The following ROBO1 variants were observed in gnomAD, a reference collection of about 807,000 sequenced individuals.
The protein encoded by ROBO1 is roundabout homolog 1.
ROBO1 carries 149 observed loss-of-function variants against 195.9 expected under a neutral mutation model. That is an observed-to-expected ratio of 0.76 (90% CI 0.67 to 0.87). ROBO1 has a LOEUF of 0.87. ROBO1 is among the 40% of genes least tolerant of loss of function. ROBO1 has a pLI of 0.00. For missense variants in ROBO1, 1,933 were observed against 2,068.3 expected (o/e 0.93, Z 1.27); for synonymous variants, 816 against 733.2 (o/e 1.11, Z -1.82).
chr3:78,768,403 A>T (rs1443686190), intron 4 of ROBO1, among the ~76,000 whole-genome samples: 2 of 151,960 alleles, frequency 1.3e-5, no homozygotes, highest in Non-Finnish European at 2.9e-5. Flanking sequence ...TATAAACTTT[A>T]AAAAAATATA....
At chr3:78,646,051 A>T in intron 21 of ROBO1, 97 bp downstream of exon 21, 1 of 1,091,042 alleles carries the variant, frequency 9.2e-7, no homozygotes, top group South Asian at 1.3e-5. Context: ...TCCACCTTTA[A>T]GTTAGACTTT....
chr3:79,240,351 A>T (rs547447653), intron 2 of ROBO1, among the ~76,000 whole-genome samples: 437 of 152,290 alleles, frequency 2.9e-3, no homozygotes, highest in Non-Finnish European at 4.8e-3. Flanking sequence ...TGTGGCACAA[A>T]TTTTTGAAGA....
intron 2 of ROBO1, among the ~76,000 whole-genome samples, chr3:79,359,648 T>C (rs917610946): frequency 1.3e-5 from 2 of 152,034 alleles, no homozygotes; most frequent in African/African-American, 2.4e-5. Context: ...CAGTAAACCA[T>C]GAAACCAATT....
chr3:79,621,207 G>T (rs189547489), intron 1 of ROBO1, among the ~76,000 whole-genome samples: 1 of 152,198 alleles, frequency 6.6e-6, no homozygotes, highest in East Asian at 1.9e-4. Context: ...CTTCAGTCAA[G>T]CCCTTTCTCT....
chr3:79,685,824 C>T (rs1034116556), intron 1 of ROBO1, among the ~76,000 whole-genome samples: 7 of 152,132 alleles, frequency 4.6e-5, no homozygotes, highest in Non-Finnish European at 4.4e-5. Context: ...ACTTCTGAAA[C>T]TATTCCAATC....
At chr3:79,719,360 T>A (rs1702610044) in intron 1 of ROBO1, among the ~76,000 whole-genome samples, 1 of 152,084 alleles carries the variant, frequency 6.6e-6, no homozygotes, top group Non-Finnish European at 1.5e-5. Context: ...TATAATAGAC[T>A]AAAATTATTA....
At chr3:78,623,831 C>A (rs1391241112) in intron 26 of ROBO1, among the ~76,000 whole-genome samples, 1 of 152,060 alleles carries the variant, frequency 6.6e-6, no homozygotes, top group Non-Finnish European at 1.5e-5. Context: ...GGGTCGGAAG[C>A]TCCAGAAAGA....
At chr3:79,703,092 A>C (rs531500659) in intron 1 of ROBO1, among the ~76,000 whole-genome samples, 1 of 152,102 alleles carries the variant, frequency 6.6e-6, no homozygotes, top group South Asian at 2.1e-4. Flanking sequence ...CAAGTCTTAA[A>C]GGTTAATGTA....
At chr3:79,281,703 C>G (rs76078725) in intron 2 of ROBO1, among the ~76,000 whole-genome samples, 8,534 of 152,050 alleles carry the variant, frequency 0.056, 338 homozygotes, top group African/African-American at 0.11. Context: ...TGGATTTATT[C>G]AACTTTCCAC....
At chr3:78,862,836 GCAT>G (rs2034934212) in intron 4 of ROBO1, among the ~76,000 whole-genome samples, 1 of 152,126 alleles carries the variant, frequency 6.6e-6, no homozygotes, top group South Asian at 2.1e-4. Context: ...AATTTCCAGA[GCAT>G]CATGTCATTT....
chr3:78,851,840 ATTTC>A (rs2034086876), intron 4 of ROBO1, among the ~76,000 whole-genome samples: 1 of 152,088 alleles, frequency 6.6e-6, no homozygotes, highest in African/African-American at 2.4e-5. Flanking sequence ...TGAGATTTTG[ATTTC>A]TTTAGGTTAA....
chr3:79,100,053 A>C (rs1447264608), intron 3 of ROBO1, among the ~76,000 whole-genome samples: 2 of 151,738 alleles, frequency 1.3e-5, no homozygotes, highest in Non-Finnish European at 2.9e-5. Context: ...AGTCTTAAGG[A>C]GGTAACAAAT....
chr3:79,758,905 C>A (rs1444603418), intron 1 of ROBO1, among the ~76,000 whole-genome samples: 1 of 152,136 alleles, frequency 6.6e-6, no homozygotes, highest in Non-Finnish European at 1.5e-5. Flanking sequence ...AAAATAATTT[C>A]TTTCCTTTAT....
chr3:79,406,525 G>C (rs914360513), intron 2 of ROBO1, among the ~76,000 whole-genome samples: 6 of 151,962 alleles, frequency 3.9e-5, no homozygotes, highest in African/African-American at 1.2e-4. Context: ...CCAAAAGCTA[G>C]AAGTTTTGTC....
At chr3:78,951,549 G>A (rs1230070693) in intron 3 of ROBO1, among the ~76,000 whole-genome samples, 1 of 152,016 alleles carries the variant, frequency 6.6e-6, no homozygotes, top group Non-Finnish European at 1.5e-5. Context: ...GACTGATGAC[G>A]TGAGGCTTTT....
intron 2 of ROBO1, among the ~76,000 whole-genome samples, chr3:79,369,357 T>C (rs916708163): frequency 6.6e-6 from 1 of 152,198 alleles, no homozygotes; most frequent in Non-Finnish European, 1.5e-5. Flanking sequence ...TAAAATCCCT[T>C]TGGCTAATTT....
At chr3:79,410,508 T>C (rs1291739452) in intron 2 of ROBO1, among the ~76,000 whole-genome samples, 1 of 152,088 alleles carries the variant, frequency 6.6e-6, no homozygotes, top group Non-Finnish European at 1.5e-5. Context: ...GACCAATCAT[T>C]TATTATTTCA....
At chr3:79,257,634 T>C (rs1243471849) in intron 2 of ROBO1, among the ~76,000 whole-genome samples, 1 of 152,110 alleles carries the variant, frequency 6.6e-6, no homozygotes, top group East Asian at 1.9e-4. Context: ...ATAATGATTG[T>C]TTGAAGTAAG....
chr3:79,065,986 C>A (rs982055003), intron 3 of ROBO1, among the ~76,000 whole-genome samples: 14 of 151,778 alleles, frequency 9.2e-5, no homozygotes, highest in African/African-American at 3.1e-4. Context: ...GAATGGATAC[C>A]AGACATTATG....
Sources: gnomAD v4.1 joint callset for allele counts (sites outside exome capture counted in the v4.1 genomes callset) on GRCh38, gnomAD v4.1.1 for gene constraint, MANE v1.5 for transcripts, NCBI Gene and HGNC (gene_info 2026-07-23, HGNC 2026-07-21) for gene names.